The following SLC13A1 variants were observed in gnomAD, a reference collection of about 807,000 sequenced individuals.
The protein encoded by SLC13A1 is solute carrier family 13 member 1, also known as Na(+)/sulfate cotransporter.
A neutral mutation model predicts 70.0 loss-of-function variants in SLC13A1; 65 were observed. The ratio of observed to expected loss-of-function variants is 0.93; its 90% CI spans 0.76 to 1.14. The LOEUF (loss-of-function observed/expected upper bound fraction) is 1.14, where lower values mean the gene tolerates loss of function less well. SLC13A1 is among the 50% of genes most tolerant of loss of function. SLC13A1 has a pLI of 0.00. For missense variants in SLC13A1, 726 were observed against 717.8 expected (o/e 1.01, Z -0.13); for synonymous variants, 275 against 250.5 (o/e 1.10, Z -0.92).
At chr7:123,177,049 C>A in intron 2 of SLC13A1, among the ~76,000 whole-genome samples, 1 of 152,148 alleles carries the variant, frequency 6.6e-6, no homozygotes, top group East Asian at 1.9e-4. Context: ...GCCTACTCAA[C>A]ATCTTCACTT....
intron 1 of SLC13A1, among the ~76,000 whole-genome samples, chr7:123,189,711 A>T (rs1175377756): frequency 1.3e-5 from 2 of 152,030 alleles, no homozygotes; most frequent in Non-Finnish European, 2.9e-5. Flanking sequence ...ATTTCTCCAG[A>T]AAGGTCTATT....
chr7:123,190,523 G>A (rs1795958698), intron 1 of SLC13A1: 1 of 456,444 alleles, frequency 2.2e-6, no homozygotes, highest in Non-Finnish European at 4.4e-6. Flanking sequence ...GTCACTGGAC[G>A]GAGGCCCTCC....
At chr7:123,150,580 C>T (rs537832218) in intron 6 of SLC13A1, among the ~76,000 whole-genome samples, 1 of 152,252 alleles carries the variant, frequency 6.6e-6, no homozygotes, top group East Asian at 1.9e-4. Context: ...CATTCACTGA[C>T]TCCATTTTCT....
rs550734317 is a variant in SLC13A1 at position 123,199,012 on chromosome 7, A to ATTAAG, written c.99+831_99+835dup. 1.3e-3 allele frequency among the ~76,000 whole-genome samples: 191 copies of ATTAAG among 152,258 alleles called. 1 individual carries two copies. The highest frequency in any genetic ancestry group is 4.3e-3 in the African/African-American group (180 of 41,594). On this transcript the variant is annotated intron_variant, in intron 1 of 14. Coordinates refer to ENST00000194130, the MANE Select transcript of SLC13A1 (RefSeq NM_022444.4). ...TATGAGAAAACAGAAGCACAGAGACATTAAGTAGCATGCCCAGGTGACACA... is the reference window on the plus strand; with the variant it reads ...TATGAGAAAACAGAAGCACAGAGACATTAAGTTAAGTAGCATGCCCAGGTGACACA...
chr7:123,189,110 G>A (rs1428992710), intron 1 of SLC13A1, among the ~76,000 whole-genome samples: 8 of 34,348 alleles, frequency 2.3e-4, no homozygotes, highest in Non-Finnish European at 4.1e-4. Context: ...GCGAGACTCC[G>A]TCTCAAAAAA....
intron 10 of SLC13A1, among the ~76,000 whole-genome samples, chr7:123,126,705 A>T (rs1189981906): frequency 6.6e-6 from 1 of 152,100 alleles, no homozygotes; most frequent in African/African-American, 2.4e-5. Context: ...ATTTTCTTTC[A>T]TTACTAGTTA....
intron 6 of SLC13A1, chr7:123,148,478 G>A (rs779403713): frequency 1.8e-5 from 8 of 452,850 alleles, no homozygotes; most frequent in African/African-American, 1.0e-4. Flanking sequence ...TTTTATTTAA[G>A]AGATGACTTT....
At chr7:123,143,917 A>C (rs1269656619) in intron 7 of SLC13A1, among the ~76,000 whole-genome samples, 10 of 152,216 alleles carry the variant, frequency 6.6e-5, no homozygotes, top group Admixed American at 6.5e-4. Context: ...TAGAAGAGGA[A>C]TACACAGGGA....
At chr7:123,136,868 C>T (rs1167159258) in intron 7 of SLC13A1, among the ~76,000 whole-genome samples, 1 of 152,126 alleles carries the variant, frequency 6.6e-6, no homozygotes, top group African/African-American at 2.4e-5. Context: ...ATGTGAATAA[C>T]TGGGAAACAG....
At chr7:123,150,634 C>A (rs1472971689) in intron 6 of SLC13A1, among the ~76,000 whole-genome samples, 1 of 152,128 alleles carries the variant, frequency 6.6e-6, no homozygotes, top group Non-Finnish European at 1.5e-5. Flanking sequence ...ACCCACAATG[C>A]ACTTCCTGTG....
intron 6 of SLC13A1, among the ~76,000 whole-genome samples, chr7:123,163,497 C>A (rs1433880671): frequency 6.6e-6 from 1 of 152,040 alleles, no homozygotes; most frequent in Admixed American, 6.6e-5. Context: ...AAATAAGGTC[C>A]TGGACTACTA....
intron 2 of SLC13A1, among the ~76,000 whole-genome samples, chr7:123,173,002 T>A (rs1795324515): frequency 6.6e-6 from 1 of 152,264 alleles, no homozygotes; most frequent in Non-Finnish European, 1.5e-5. Flanking sequence ...GTGGAGCACT[T>A]CATGAGAGTG....
chr7:123,121,147 T>G (rs1793366853), intron 12 of SLC13A1, among the ~76,000 whole-genome samples: 1 of 152,092 alleles, frequency 6.6e-6, no homozygotes, highest in African/African-American at 2.4e-5. Flanking sequence ...ATTGGCTCAA[T>G]TTTGCTACAA....
intron 13 of SLC13A1, 28 bp downstream of exon 13, chr7:123,119,053 G>C: frequency 3.8e-6 from 6 of 1,596,754 alleles, no homozygotes; most frequent in Non-Finnish European, 5.1e-6. Flanking sequence ...TTAATGAAGA[G>C]TAAAAAGGGG....
At chr7:123,151,181 A>G (rs888869565) in intron 6 of SLC13A1, among the ~76,000 whole-genome samples, 3 of 151,748 alleles carry the variant, frequency 2.0e-5, no homozygotes, top group Non-Finnish European at 4.4e-5. Context: ...AAAATTAACC[A>G]TGCTTGGTTG....
rs1339347438 is a variant in SLC13A1, at chr7:123,114,797, C to G, written c.*721G>C. The G allele has an allele frequency of 6.6e-6, 1 of 152,126 alleles. No homozygotes were observed. Among genetic ancestry groups the G allele is most frequent in the African/African-American group, 2.4e-5 (1 of 41,428 alleles). The allele number at this position is 152,126 out of a possible 1,614,324, so 9.4% of individuals were successfully genotyped here. A position where few individuals can be genotyped will look rare whatever the true frequency, so the allele number is the denominator to read the frequency against. On this transcript the variant is annotated 3_prime_UTR_variant, in exon 15 of 15. Coordinates refer to ENST00000194130, the MANE Select transcript of SLC13A1 (RefSeq NM_022444.4). ...ATCCATAGCTCTACAAAATGAATTT[C>G]TCAGTGTGCCAATATCATAAAAATA...
intron 6 of SLC13A1, among the ~76,000 whole-genome samples, chr7:123,158,688 A>G (rs1380305790): frequency 6.6e-6 from 1 of 151,928 alleles, no homozygotes; most frequent in African/African-American, 2.4e-5. Flanking sequence ...AAGCAACCAA[A>G]GAGAAAAGAT....
intron 7 of SLC13A1, among the ~76,000 whole-genome samples, chr7:123,146,401 T>A (rs1279951262): frequency 1.3e-5 from 2 of 152,140 alleles, no homozygotes; most frequent in Non-Finnish European, 2.9e-5. Context: ...GGTGCATGCC[T>A]GTAATCCCAG....
At chr7:123,160,691 A>G (rs1794865435) in intron 6 of SLC13A1, among the ~76,000 whole-genome samples, 1 of 152,228 alleles carries the variant, frequency 6.6e-6, no homozygotes. Flanking sequence ...ACTATGTGCT[A>G]GTCCGAAAAG....
Sources: allele counts gnomAD v4.1 joint callset (sites outside exome capture counted in the v4.1 genomes callset), GRCh38; gene constraint gnomAD v4.1.1; transcripts MANE v1.5; gene names NCBI Gene and HGNC (gene_info 2026-07-23, HGNC 2026-07-21).